Variants in DPYSL3 observed in about 807,000 individuals in gnomAD.
The protein encoded by DPYSL3 is dihydropyrimidinase like 3, also known as dihydropyrimidinase-related protein 3.
Under a neutral mutation model 66.1 loss-of-function variants are expected in DPYSL3, and 16 were observed. The observed-to-expected ratio is 0.24, with a 90% CI of 0.16 to 0.37. DPYSL3 has a LOEUF of 0.37. DPYSL3 is among the 10% of genes least tolerant of loss of function. DPYSL3 has a pLI of 1.00. For synonymous variants in DPYSL3, 338 were observed against 345.1 expected, an observed-to-expected ratio of 0.98 and a Z score of 0.23; for missense variants, 738 against 916.2, an observed-to-expected ratio of 0.81 and a Z score of 2.51.
At chr5:147,418,658 G>C in intron 2 of DPYSL3, 27 bp from the exon 3 acceptor site, 1 of 1,550,208 alleles carries the variant, frequency 6.5e-7, no homozygotes. Flanking sequence ...ACAAAAAAAT[G>C]ATCAAACACT....
chr5:147,397,899 T>C (rs1758044198), intron 11 of DPYSL3, 54 bp from the exon 12 acceptor site: 1 of 846,452 alleles, frequency 1.2e-6, no homozygotes, highest in African/African-American at 2.3e-5. Context: ...AAGAGGAACG[T>C]ACCTTCTCTC....
At chr5:147,418,086 T>A (rs902747659) in intron 3 of DPYSL3, among the ~76,000 whole-genome samples, 1 of 152,218 alleles carries the variant, frequency 6.6e-6, no homozygotes, top group Non-Finnish European at 1.5e-5. Flanking sequence ...CAGACCCAAG[T>A]GGGCAGTTTT....
intron 1 of DPYSL3, among the ~76,000 whole-genome samples, chr5:147,497,158 C>T (rs1034790723): frequency 3.3e-5 from 5 of 150,202 alleles, no homozygotes; most frequent in African/African-American, 9.8e-5. Flanking sequence ...GGACAAAAAA[C>T]CAAACACTGC....
At chr5:147,453,368 G>A (rs141149651) in intron 1 of DPYSL3, among the ~76,000 whole-genome samples, 1,593 of 152,248 alleles carry the variant, frequency 0.01, 19 homozygotes, top group African/African-American at 0.036. Context: ...AAACCCCAGG[G>A]TCGCTCAGTC....
intron 1 of DPYSL3, among the ~76,000 whole-genome samples, chr5:147,434,789 T>C (rs926156802): frequency 3.9e-5 from 6 of 152,144 alleles, no homozygotes; most frequent in African/African-American, 1.4e-4. Context: ...AGCGGAGCAC[T>C]GAAGTGGCTC....
At chr5:147,466,849 G>A (rs1341041611) in intron 1 of DPYSL3, among the ~76,000 whole-genome samples, 5 of 152,176 alleles carry the variant, frequency 3.3e-5, no homozygotes, top group South Asian at 2.1e-4. Flanking sequence ...TTCTGGCTCC[G>A]TTTTGCGGGG....
Position 147,500,112 on chromosome 5 carries a change from T to G in DPYSL3, c.381+9366A>C, listed in dbSNP as rs1442421408. On this transcript the variant is annotated intron_variant, in intron 1 of 13. Coordinates refer to ENST00000343218, the MANE Select transcript of DPYSL3 (RefSeq NM_001197294.2). ...AAAATAACACAGATGACCTTGGGTA[T>G]AGTGATGACGTTTTTAGATACAACA... Among the ~76,000 whole-genome samples, 17 of 152,166 alleles carry G rather than the reference T, an allele frequency of 1.1e-4. 1 individual carries two copies. The highest frequency in any genetic ancestry group is 1.5e-5 in the Non-Finnish European group (1 of 68,026).
intron 1 of DPYSL3, among the ~76,000 whole-genome samples, chr5:147,471,341 T>C (rs1753083121): frequency 6.6e-6 from 1 of 152,198 alleles, no homozygotes; most frequent in African/African-American, 2.4e-5. Context: ...AGCCTCCACC[T>C]AGGCTAGAAT....
chr5:147,404,873 G>A (rs1325722595), intron 8 of DPYSL3, among the ~76,000 whole-genome samples: 2 of 152,144 alleles, frequency 1.3e-5, no homozygotes, highest in Admixed American at 6.5e-5. Context: ...GGCTCAGGAG[G>A]TGTGACCTGC....
intron 1 of DPYSL3, among the ~76,000 whole-genome samples, chr5:147,471,099 C>T (rs1252213236): frequency 1.3e-5 from 2 of 152,128 alleles, no homozygotes; most frequent in Non-Finnish European, 2.9e-5. Context: ...ATATATGCTA[C>T]ATACATGCAT....
At chr5:147,453,974 T>A in intron 1 of DPYSL3, 5 of 223,512 alleles carry the variant, frequency 2.2e-5, no homozygotes, top group Non-Finnish European at 3.4e-5. Flanking sequence ...CCACTTTTTC[T>A]TTTTCTTTCT....
At chr5:147,498,384 T>C (rs1381721516) in intron 1 of DPYSL3, among the ~76,000 whole-genome samples, 1 of 152,188 alleles carries the variant, frequency 6.6e-6, no homozygotes, top group Non-Finnish European at 1.5e-5. Context: ...TTGGGAATAG[T>C]GCTGCAATGA....
intron 1 of DPYSL3, among the ~76,000 whole-genome samples, chr5:147,486,927 G>T (rs1317079027): frequency 2.0e-5 from 3 of 152,102 alleles, no homozygotes; most frequent in Non-Finnish European, 2.9e-5. Flanking sequence ...TATTGGGCTA[G>T]TCATTATCTC....
intron 10 of DPYSL3, 25 bp from the exon 11 acceptor site, chr5:147,399,277 C>G: frequency 6.2e-7 from 1 of 1,609,266 alleles, no homozygotes; most frequent in Non-Finnish European, 8.5e-7. Context: ...GAAATTATAT[C>G]TATATCTATA....
chr5:147,490,515 G>T (rs985790469), intron 1 of DPYSL3, among the ~76,000 whole-genome samples: 2 of 152,304 alleles, frequency 1.3e-5, no homozygotes, highest in Admixed American at 1.3e-4. Flanking sequence ...GCTCTGTGAA[G>T]ATGCCACAAT....
chr5:147,496,333 G>T (rs548323932), intron 1 of DPYSL3, among the ~76,000 whole-genome samples: 1 of 152,254 alleles, frequency 6.6e-6, no homozygotes, highest in Non-Finnish European at 1.5e-5. Context: ...CAGGACATAC[G>T]CATGGGCAAG....
At chr5:147,495,503 C>T (rs886323072) in intron 1 of DPYSL3, among the ~76,000 whole-genome samples, 6 of 152,084 alleles carry the variant, frequency 3.9e-5, no homozygotes, top group Middle Eastern at 3.2e-3. Context: ...AAAACCCCAT[C>T]GTCTCAGCCC....
chr5:147,407,102 T>C (rs772823200), intron 7 of DPYSL3, among the ~76,000 whole-genome samples: 9 of 152,130 alleles, frequency 5.9e-5, no homozygotes, highest in Non-Finnish European at 7.4e-5. Flanking sequence ...TATGCTTGAA[T>C]TGAACAGGGG....
At chr5:147,425,311 C>T (rs1279621822) in intron 1 of DPYSL3, among the ~76,000 whole-genome samples, 1 of 152,146 alleles carries the variant, frequency 6.6e-6, no homozygotes, top group Non-Finnish European at 1.5e-5. Context: ...TAACATATGC[C>T]TCAGTGGCTA....
Sources: allele counts gnomAD v4.1 joint callset (sites outside exome capture counted in the v4.1 genomes callset), GRCh38; gene constraint gnomAD v4.1.1; transcripts MANE v1.5; gene names NCBI Gene and HGNC (gene_info 2026-07-23, HGNC 2026-07-21).